Variants in ASTN2 observed in about 807,000 individuals in gnomAD.
ASTN2 encodes the protein astrotactin-2.
Under a neutral mutation model 139.8 loss-of-function variants are expected in ASTN2, and 54 were observed. That is an observed-to-expected ratio of 0.39 (90% CI 0.31 to 0.48). ASTN2 has a LOEUF of 0.48. Among genes scored for constraint, ASTN2 ranks in the 20% least tolerant of loss-of-function variants. ASTN2 has a pLI of 0.95. For missense variants in ASTN2, 1,565 were observed against 1,725.1 expected (o/e 0.91, Z 1.64); for synonymous variants, 756 against 719.5 (o/e 1.05, Z -0.81).
chr9:116,981,872 T>C (rs1015367018), intron 7 of ASTN2, among the ~76,000 whole-genome samples: 2 of 152,202 alleles, frequency 1.3e-5, no homozygotes, highest in Admixed American at 1.3e-4. Context: ...TTGGTTCTCA[T>C]AAGGGAATTC....
intron 19 of ASTN2, among the ~76,000 whole-genome samples, chr9:116,615,281 C>A (rs868675195): frequency 3.3e-5 from 5 of 152,074 alleles, no homozygotes; most frequent in Non-Finnish European, 7.4e-5. Context: ...TTGGTGGGAA[C>A]GTAAACTAGT....
chr9:117,244,150 G>T (rs989669454), intron 2 of ASTN2, among the ~76,000 whole-genome samples: 1 of 152,008 alleles, frequency 6.6e-6, no homozygotes, highest in African/African-American at 2.4e-5. Context: ...TTCCACTTTG[G>T]CCATGATTGC....
At chr9:116,951,337 C>CA (rs386416039) in intron 10 of ASTN2, among the ~76,000 whole-genome samples, 1,535 of 34,052 alleles carry the variant, frequency 0.045, 428 homozygotes, top group African/African-American at 0.098. Context: ...AACTCTGTCT[C>CA]AAAAAAAAAA....
intron 22 of ASTN2, among the ~76,000 whole-genome samples, chr9:116,436,093 C>G (rs757175192): frequency 5.1e-4 from 78 of 152,318 alleles, no homozygotes; most frequent in Non-Finnish European, 8.8e-4. Context: ...CATCTTCACT[C>G]TGTATTTTTA....
chr9:117,167,139 T>G (rs143874583), intron 3 of ASTN2, among the ~76,000 whole-genome samples: 278 of 152,252 alleles, frequency 1.8e-3, no homozygotes, highest in African/African-American at 6.3e-3. Flanking sequence ...CAATGGGATC[T>G]GAAAAAAACC....
intron 20 of ASTN2, among the ~76,000 whole-genome samples, chr9:116,467,879 A>C (rs887877259): frequency 5.3e-5 from 8 of 152,210 alleles, no homozygotes; most frequent in Non-Finnish European, 7.3e-5. Flanking sequence ...CTTTTCCCAG[A>C]ATGAAGTTTG....
chr9:116,830,224 T>C (rs1011594427), intron 11 of ASTN2, among the ~76,000 whole-genome samples: 1 of 152,018 alleles, frequency 6.6e-6, no homozygotes, highest in African/African-American at 2.4e-5. Context: ...CACAAACATA[T>C]GAAAAAATGT....
chr9:116,511,072 T>C (rs565325890), intron 19 of ASTN2, among the ~76,000 whole-genome samples: 1 of 152,178 alleles, frequency 6.6e-6, no homozygotes, highest in South Asian at 2.1e-4. Flanking sequence ...GGCATCCCTG[T>C]CTTGTGCCAG....
intron 19 of ASTN2, among the ~76,000 whole-genome samples, chr9:116,543,484 A>G (rs1272581459): frequency 6.6e-6 from 1 of 152,004 alleles, no homozygotes; most frequent in Admixed American, 6.6e-5. Flanking sequence ...GTTGTTGATC[A>G]TGGTGTACAG....
intron 10 of ASTN2, among the ~76,000 whole-genome samples, chr9:116,880,663 T>C (rs778693886): frequency 8.5e-5 from 13 of 152,144 alleles, no homozygotes; most frequent in Non-Finnish European, 1.6e-4. Context: ...TAATGTCCCT[T>C]GTGCAAATAT....
chr9:116,485,039 G>A (rs1849294143), intron 20 of ASTN2, among the ~76,000 whole-genome samples: 1 of 152,186 alleles, frequency 6.6e-6, no homozygotes, highest in Non-Finnish European at 1.5e-5. Context: ...ACAGGATTCT[G>A]TCGTTCCCTG....
chr9:117,218,958 G>T (rs549532890), intron 2 of ASTN2, among the ~76,000 whole-genome samples: 1 of 152,214 alleles, frequency 6.6e-6, no homozygotes, highest in South Asian at 2.1e-4. Context: ...TTAGTGCCTG[G>T]CACATGGTAA....
chr9:116,842,662 A>G (rs1832296838), intron 11 of ASTN2, among the ~76,000 whole-genome samples: 1 of 149,408 alleles, frequency 6.7e-6, no homozygotes, highest in South Asian at 2.2e-4. Context: ...GGGAGTTTTA[A>G]TCAACTCATG....
intron 10 of ASTN2, among the ~76,000 whole-genome samples, chr9:116,907,472 C>T (rs946320179): frequency 2.0e-5 from 3 of 152,212 alleles, no homozygotes; most frequent in African/African-American, 4.8e-5. Flanking sequence ...CTTCTGACCT[C>T]TGTTTCGGAG....
intron 19 of ASTN2, among the ~76,000 whole-genome samples, chr9:116,608,893 T>C (rs2131788529): frequency 6.6e-6 from 1 of 152,012 alleles, no homozygotes; most frequent in African/African-American, 2.4e-5. Flanking sequence ...AATTAAGAAA[T>C]AGAATATATT....
intron 2 of ASTN2, among the ~76,000 whole-genome samples, chr9:117,266,629 A>T (rs997738435): frequency 6.6e-6 from 1 of 152,076 alleles, no homozygotes; most frequent in Non-Finnish European, 1.5e-5. Context: ...TACCACCTGC[A>T]AAAAAATAAG....
At chr9:117,120,008 GTGTGTGTGTGTA>G (rs1396920001) in intron 4 of ASTN2, among the ~76,000 whole-genome samples, 24 of 45,634 alleles carry the variant, frequency 5.3e-4, no homozygotes, top group African/African-American at 1.7e-3. Context: ...GTGTGTGTGT[GTGTGTGTGTGTA>G]TATATATATA....
At chr9:116,839,949 C>T (rs1832157238) in intron 11 of ASTN2, among the ~76,000 whole-genome samples, 1 of 144,342 alleles carries the variant, frequency 6.9e-6, no homozygotes, top group African/African-American at 2.6e-5. Context: ...GGTCACAGGA[C>T]AATAGTGGAG....
At chr9:116,983,584 T>C (rs529354233) in intron 7 of ASTN2, among the ~76,000 whole-genome samples, 2 of 152,300 alleles carry the variant, frequency 1.3e-5, no homozygotes, top group East Asian at 3.9e-4. Context: ...TGTGAGACAC[T>C]GAGGGTCATT....
Sources: gnomAD v4.1 joint callset for allele counts (sites outside exome capture counted in the v4.1 genomes callset) on GRCh38, gnomAD v4.1.1 for gene constraint, MANE v1.5 for transcripts, NCBI Gene and HGNC (gene_info 2026-07-23, HGNC 2026-07-21) for gene names.